FER1L6: variants seen among roughly 807,000 people sequenced by gnomAD.
FER1L6 encodes the protein fer-1-like protein 6.
In FER1L6, 177 loss-of-function variants were observed where a neutral mutation model predicts 219.2. The ratio of observed to expected loss-of-function variants is 0.81; its 90% CI spans 0.71 to 0.91. FER1L6 has a LOEUF of 0.91. Among genes scored for constraint, FER1L6 ranks in the 40% least tolerant of loss-of-function variants. The pLI is 0.00. For synonymous variants in FER1L6, 768 were observed against 824.3 expected (o/e 0.93, Z 1.17); for missense variants, 2,153 against 2,259.9 (o/e 0.95, Z 0.96).
intron 12 of FER1L6, 47 bp downstream of exon 12, chr8:123,986,223 A>G: frequency 1.7e-6 from 2 of 1,165,552 alleles, no homozygotes; most frequent in Non-Finnish European, 2.5e-6. Flanking sequence ...TGGATTTAGT[A>G]TCTATTTCTT....
In FER1L6 at chr8:124,091,449, C is replaced by T. The variant is rs201559769; in HGVS notation, c.4418C>T (p.Thr1473Met). The change falls in exon 34 of 41, where the codon ACG (threonine) becomes ATG (methionine). Residue 1473 changes from threonine to methionine, a missense_variant. Thr to Met is a moderately conservative substitution (Grantham distance 81, BLOSUM62 -1). Coordinates refer to ENST00000522917, the MANE Select transcript of FER1L6 (RefSeq NM_001039112.2). Reference protein sequence around the residue: ...EIEGYNAWRDTSKPTEILTKL... With the variant: ...EIEGYNAWRDMSKPTEILTKL... Reference sequence around the variant, plus strand: ...GAAGGATACAATGCCTGGAGAGACACGTCCAAACCCACCGAAATCCTCACT... The same window carrying T: ...GAAGGATACAATGCCTGGAGAGACATGTCCAAACCCACCGAAATCCTCACT... 3.5e-5 allele frequency: 57 copies of T among 1,613,328 alleles called. No individual in the cohort carries two copies. In the East Asian group the frequency reaches 3.8e-4, roughly 11 times the overall value.
chr8:124,061,590 A>G (rs995972467), intron 24 of FER1L6, among the ~76,000 whole-genome samples: 1 of 152,202 alleles, frequency 6.6e-6, no homozygotes, highest in African/African-American at 2.4e-5. Context: ...GAGGTCTGAA[A>G]ATGACTGTCA....
At chr8:123,958,220 C>T (rs776958366) in intron 2 of FER1L6, among the ~76,000 whole-genome samples, 2 of 152,146 alleles carry the variant, frequency 1.3e-5, no homozygotes, top group East Asian at 1.9e-4. Flanking sequence ...CTGGATGGTC[C>T]GAGGGGAGGA....
chr8:124,038,649 T>C (rs940177677), intron 19 of FER1L6, among the ~76,000 whole-genome samples: 1 of 152,168 alleles, frequency 6.6e-6, no homozygotes, highest in Non-Finnish European at 1.5e-5. Context: ...TATGAGGAAC[T>C]ATTATTACCT....
At position 124,060,211 on chromosome 8, in the gene FER1L6, C is replaced by A. The variant is rs768927189; in HGVS notation, c.2906C>A (p.Pro969His). 1.3e-5 allele frequency: 21 copies of A among 1,613,572 alleles called. No individual in the cohort carries two copies. Among genetic ancestry groups the A allele is most frequent in the Non-Finnish European group, 1.8e-5 (21 of 1,179,836 alleles). The stretch of plus-strand genomic sequence containing the variant: ...CCTTCTGGGCTGCAAGGCCTCCCAC[C>A]CGTTGAGCCACCAGACATCACCCAG... The part of the protein sequence containing the change: ...VPPSGLQGLP[P>H]VEPPDITQIY... Residue 969 changes from proline (P) to histidine (H), a missense_variant, in exon 23 of 41, where the codon CCC becomes CAC. Transcript: ENST00000522917.
chr8:124,088,771 G>A (rs1005238648), intron 33 of FER1L6, among the ~76,000 whole-genome samples: 1 of 152,020 alleles, frequency 6.6e-6, no homozygotes, highest in Non-Finnish European at 1.5e-5. Flanking sequence ...TTCCCTTCTG[G>A]CCCAGGTTAT....
intron 1 of FER1L6, among the ~76,000 whole-genome samples, chr8:123,940,145 C>T (rs759387889): frequency 7.9e-5 from 12 of 152,112 alleles, no homozygotes; most frequent in Non-Finnish European, 1.6e-4. Context: ...GTGAGTTCTC[C>T]AAGGAAACAC....
Position 124,017,715 on chromosome 8 carries a change from G to T in FER1L6, c.2010G>T (p.Glu670Asp). 6.2e-7 allele frequency: 1 copy of T among 1,612,306 alleles called. No individual in the cohort carries two copies. The highest frequency in any genetic ancestry group is 2.2e-5 in the East Asian group (1 of 44,856). ...AGCGACTTACGCTCTGCTGGCAGGA[G>T]CTGGTATGTGAAAATCTATTTATAC... ...DKKRLTLCWQ[E>D]LEAMCKEAKG... is the part of the protein sequence containing the mutation. The change falls in exon 16 of 41, where the codon GAG (glutamate) becomes GAT (aspartate). Residue 670 changes from glutamate (E) to aspartate (D), a missense_variant. By Grantham distance (45) the Glu-to-Asp change is conservative (BLOSUM62 2). Transcript: ENST00000522917.
At chr8:123,884,967 C>G (rs1817172930) in intron 1 of FER1L6, among the ~76,000 whole-genome samples, 1 of 152,050 alleles carries the variant, frequency 6.6e-6, no homozygotes, top group South Asian at 2.1e-4. Context: ...AAGGTTAGCC[C>G]TAAATCCAAC....
intron 1 of FER1L6, among the ~76,000 whole-genome samples, chr8:123,896,249 A>G (rs1812740146): frequency 6.6e-6 from 1 of 152,214 alleles, no homozygotes; most frequent in Non-Finnish European, 1.5e-5. Context: ...AGTTTTAACA[A>G]CACACTTTGC....
chr8:123,949,143 T>C (rs1186065683), intron 1 of FER1L6, among the ~76,000 whole-genome samples: 2 of 152,206 alleles, frequency 1.3e-5, no homozygotes, highest in Non-Finnish European at 2.9e-5. Flanking sequence ...GGATTCTCCT[T>C]CTCTGAAGTC....
rs1821791777 is a variant in FER1L6, at chr8:124,086,520, T to C, written c.4391+4062T>C. On this transcript the variant is annotated intron_variant, in intron 33 of 40. Transcript: ENST00000522917. ...TTCATCTCCCTGCTTTTTAACTTTC[T>C]GTTGTTTCTACTTATATCTTATTAT... Among the ~76,000 whole-genome samples the C allele has an allele frequency of 2.0e-5, 3 of 152,156 alleles. No homozygotes were observed. In the South Asian group the frequency reaches 6.2e-4, roughly 31 times the overall value.
intron 1 of FER1L6, among the ~76,000 whole-genome samples, chr8:123,883,821 A>G (rs1182781588): frequency 6.6e-6 from 1 of 152,210 alleles, no homozygotes; most frequent in Non-Finnish European, 1.5e-5. Context: ...CAACTCTTTT[A>G]TAAAGTCATC....
At chr8:123,878,452 C>G (rs946066317) in intron 1 of FER1L6, among the ~76,000 whole-genome samples, 2 of 152,180 alleles carry the variant, frequency 1.3e-5, no homozygotes, top group African/African-American at 4.8e-5. Flanking sequence ...TACCCATCAC[C>G]TCTCAGGGAG....
At chr8:124,003,708 C>T (rs1349252156) in intron 13 of FER1L6, among the ~76,000 whole-genome samples, 6 of 151,972 alleles carry the variant, frequency 3.9e-5, no homozygotes, top group Non-Finnish European at 8.8e-5. Flanking sequence ...ATCTCATGAT[C>T]CTCCTGCCTC....
chr8:124,023,877 T>G (rs905727815), intron 18 of FER1L6, among the ~76,000 whole-genome samples: 1 of 149,306 alleles, frequency 6.7e-6, no homozygotes, highest in Non-Finnish European at 1.5e-5. Context: ...TGATTACTAG[T>G]ATTAATAACA....
intron 20 of FER1L6, among the ~76,000 whole-genome samples, chr8:124,042,597 C>T (rs1482584321): frequency 6.6e-6 from 1 of 152,132 alleles, no homozygotes; most frequent in Non-Finnish European, 1.5e-5. Flanking sequence ...TACCAATTTC[C>T]CTCTCCTGTT....
At chr8:124,000,752 G>A (rs1817370023) in intron 12 of FER1L6, among the ~76,000 whole-genome samples, 1 of 152,146 alleles carries the variant, frequency 6.6e-6, no homozygotes, top group South Asian at 2.1e-4. Context: ...ATCACAGAAG[G>A]TCATGATTTA....
intron 1 of FER1L6, among the ~76,000 whole-genome samples, chr8:123,913,914 A>G (rs1401867724): frequency 3.3e-5 from 5 of 152,104 alleles, no homozygotes; most frequent in Non-Finnish European, 5.9e-5. Flanking sequence ...AACACACACT[A>G]AACATTCTGT....
Sources: gnomAD v4.1 joint callset for allele counts (sites outside exome capture counted in the v4.1 genomes callset) on GRCh38, gnomAD v4.1.1 for gene constraint, MANE v1.5 for transcripts, NCBI Gene and HGNC (gene_info 2026-07-23, HGNC 2026-07-21) for gene names.